Variants in SND1 observed in about 807,000 individuals in gnomAD.
SND1 encodes staphylococcal nuclease domain-containing protein 1.
A neutral mutation model predicts 121.7 loss-of-function variants in SND1; 38 were observed. The observed-to-expected ratio is 0.31, with a 90% CI of 0.24 to 0.41. SND1 has a LOEUF of 0.41. Ranked by LOEUF, SND1 falls within the 10% of genes least tolerant of loss-of-function variation. The probability of loss-of-function intolerance (pLI) is 1.00; values close to 1 mark genes in which losing one functional copy is unlikely to be tolerated. For missense variants in SND1, 868 were observed against 1,184.6 expected (o/e 0.73, Z 3.92); for synonymous variants, 401 against 447.4 (o/e 0.90, Z 1.31).
chr7:127,930,140 C>T (rs1026914122), intron 15 of SND1, among the ~76,000 whole-genome samples: 3 of 152,110 alleles, frequency 2.0e-5, no homozygotes, highest in Admixed American at 6.5e-5. Flanking sequence ...ACCCCCACCC[C>T]GCCCAGCCAC....
At chr7:127,818,201 G>A (rs1798482952) in intron 11 of SND1, among the ~76,000 whole-genome samples, 1 of 152,124 alleles carries the variant, frequency 6.6e-6, no homozygotes, top group South Asian at 2.1e-4. Context: ...AAATAGGTTG[G>A]ATAAATATGT....
intron 10 of SND1, among the ~76,000 whole-genome samples, chr7:127,780,497 G>T (rs1212796599): frequency 6.6e-6 from 1 of 152,198 alleles, no homozygotes; most frequent in African/African-American, 2.4e-5. Flanking sequence ...AGGCTAACTT[G>T]TCCAAGGTAT....
At chr7:127,756,673 TA>T (rs1356510909) in intron 10 of SND1, among the ~76,000 whole-genome samples, 8 of 152,354 alleles carry the variant, frequency 5.3e-5, no homozygotes, top group African/African-American at 1.7e-4. Context: ...TCTGCTAGGA[TA>T]TGTGGCGACT....
chr7:127,773,540 GAA>G (rs975150644), intron 10 of SND1, among the ~76,000 whole-genome samples: 1 of 147,496 alleles, frequency 6.8e-6, no homozygotes, highest in South Asian at 2.2e-4. Context: ...TTGAAATTAG[GAA>G]AAAAAAAAGA....
intron 16 of SND1, among the ~76,000 whole-genome samples, chr7:128,047,252 G>A (rs1003512346): frequency 1.3e-5 from 2 of 152,220 alleles, no homozygotes; most frequent in African/African-American, 2.4e-5. Context: ...AATGGCTGTT[G>A]ATCAGGCAAC....
intron 15 of SND1, among the ~76,000 whole-genome samples, chr7:127,968,605 A>G (rs1010878396): frequency 1.3e-5 from 2 of 152,274 alleles, no homozygotes; most frequent in Non-Finnish European, 2.9e-5. Flanking sequence ...TTATGTTCAT[A>G]TAGTTTGCAC....
intron 10 of SND1, among the ~76,000 whole-genome samples, chr7:127,794,748 G>T (rs1001530890): frequency 6.6e-6 from 1 of 152,202 alleles, no homozygotes; most frequent in Non-Finnish European, 1.5e-5. Flanking sequence ...TAACGGGGTT[G>T]TCTCTTCTGA....
chr7:127,820,031 A>C (rs966281540), intron 11 of SND1, among the ~76,000 whole-genome samples: 1 of 152,062 alleles, frequency 6.6e-6, no homozygotes, highest in Non-Finnish European at 1.5e-5. Context: ...CCTTCTCCCA[A>C]CCCCTACAAG....
At chr7:127,999,758 G>A (rs954968989) in intron 16 of SND1, 13 of 152,112 alleles carry the variant, frequency 8.5e-5, no homozygotes, top group African/African-American at 2.7e-4. Context: ...CATGGTATTC[G>A]ATACAGTCTA....
At chr7:127,994,505 G>T (rs1378425641) in intron 16 of SND1, among the ~76,000 whole-genome samples, 4 of 117,240 alleles carry the variant, frequency 3.4e-5, no homozygotes, top group Non-Finnish European at 6.5e-5. Flanking sequence ...CAGCCTTGAA[G>T]CCCAAAGCAG....
At chr7:127,718,210 A>G (rs1333535581) in intron 9 of SND1, among the ~76,000 whole-genome samples, 9 of 152,074 alleles carry the variant, frequency 5.9e-5, no homozygotes. Flanking sequence ...AGAGATCTGT[A>G]GCTAGCAGAG....
intron 10 of SND1, among the ~76,000 whole-genome samples, chr7:127,777,234 A>G (rs778834721): frequency 2.6e-5 from 4 of 152,372 alleles, no homozygotes; most frequent in Non-Finnish European, 5.9e-5. Context: ...CAATCACTGA[A>G]CAGAGGAAAT....
chr7:127,877,830 A>C, intron 12 of SND1, among the ~76,000 whole-genome samples: 1 of 152,076 alleles, frequency 6.6e-6, no homozygotes, highest in South Asian at 2.1e-4. Context: ...TGGCCTCTGA[A>C]GCTGGAGAGG....
intron 16 of SND1, among the ~76,000 whole-genome samples, chr7:127,995,834 C>T (rs866813188): frequency 1.4e-4 from 22 of 152,188 alleles, no homozygotes; most frequent in South Asian, 1.2e-3. Context: ...CTTCACAGTT[C>T]CAGGCTGTAG....
chr7:127,727,348 T>C (rs1796599873), intron 10 of SND1, among the ~76,000 whole-genome samples: 2 of 152,200 alleles, frequency 1.3e-5, no homozygotes, highest in African/African-American at 4.8e-5. Flanking sequence ...TGTAAGGCAC[T>C]GATAACTCCA....
Position 127,859,161 on chromosome 7 carries a change from A to G in SND1, c.1343+14737A>G, listed in dbSNP as rs1242322761. 2.6e-5 allele frequency among the ~76,000 whole-genome samples: 4 copies of G among 152,102 alleles called. No homozygotes were observed. In the East Asian group the frequency reaches 7.7e-4, roughly 29 times the overall value. On this transcript the variant is annotated intron_variant, in intron 12 of 23. Transcript: ENST00000354725. The stretch of plus-strand genomic sequence containing the variant: ...TTGTTTTGTTGTTAAGTGATGTTTA[A>G]TGTCAAGCCAATAATATGGATATGT...
In SND1 at chr7:128,029,501, G is replaced by A; in HGVS notation, c.1779+38445G>A. On this transcript the variant is annotated intron_variant, in intron 16 of 23. Transcript: ENST00000354725. The surrounding 1 kb of genome is among the most constrained non-coding windows in gnomAD (Gnocchi z 4.2). ...CATTGGGCAGCAACCACTTCACGGA[G>A]GACATAGGGGGAGTCCGACACTTAA... 1 of 1,614,124 alleles carries A rather than the reference G, an allele frequency of 6.2e-7. No individual in the cohort carries two copies.
intron 16 of SND1, among the ~76,000 whole-genome samples, chr7:128,004,400 T>C (rs901239719): frequency 6.6e-6 from 1 of 152,166 alleles, no homozygotes; most frequent in African/African-American, 2.4e-5. Flanking sequence ...GGTCAGAACA[T>C]TTTTTTCTGT....
At chr7:127,796,615 G>A (rs914689216) in intron 10 of SND1, among the ~76,000 whole-genome samples, 2 of 152,058 alleles carry the variant, frequency 1.3e-5, no homozygotes, top group East Asian at 1.9e-4. Flanking sequence ...GGCTTATCTC[G>A]TCTTCTGTCC....
Sources: allele counts gnomAD v4.1 joint callset (sites outside exome capture counted in the v4.1 genomes callset), GRCh38; gene constraint gnomAD v4.1.1; non-coding constraint Gnocchi (gnomAD v3.1); transcripts MANE v1.5; gene names NCBI Gene and HGNC (gene_info 2026-07-23, HGNC 2026-07-21).